The following NIM1K variants were observed in gnomAD, a reference collection of about 807,000 sequenced individuals.
The protein encoded by NIM1K is NIM1 serine/threonine protein kinase, also known as serine/threonine-protein kinase NIM1.
A neutral mutation model predicts 37.1 loss-of-function variants in NIM1K; 35 were observed. The observed-to-expected ratio is 0.94, with a 90% CI of 0.72 to 1.25. The LOEUF (loss-of-function observed/expected upper bound fraction) is 1.25. Ranked by LOEUF, NIM1K falls within the 50% of genes most tolerant of loss-of-function variation. The probability of loss-of-function intolerance (pLI) is 0.00; values close to 1 mark genes in which losing one functional copy is unlikely to be tolerated. For synonymous variants in NIM1K, 234 were observed against 206.6 expected, an observed-to-expected ratio of 1.13 and a Z score of -1.14; for missense variants, 564 against 548.0, an observed-to-expected ratio of 1.03 and a Z score of -0.29.
intron 1 of NIM1K, chr5:43,206,946 A>T (rs1340977658): frequency 1.3e-6 from 1 of 763,864 alleles, no homozygotes; most frequent in African/African-American, 1.7e-5. Context: ...GGTGATGCAC[A>T]AGGCAAAGAA....
At chr5:43,212,122 A>T (rs1752212653) in intron 1 of NIM1K, among the ~76,000 whole-genome samples, 1 of 152,166 alleles carries the variant, frequency 6.6e-6, no homozygotes, top group Non-Finnish European at 1.5e-5. Context: ...GGTGCCTTAA[A>T]GCATGTGCAT....
chr5:43,263,550 C>CAA (rs565104799), intron 2 of NIM1K, among the ~76,000 whole-genome samples: 3 of 144,722 alleles, frequency 2.1e-5, no homozygotes, highest in African/African-American at 7.5e-5. Flanking sequence ...TTGATCTTTT[C>CAA]AAAAAAAAAA....
At chr5:43,239,746 C>A (rs1056149967) in intron 1 of NIM1K, among the ~76,000 whole-genome samples, 1 of 152,078 alleles carries the variant, frequency 6.6e-6, no homozygotes, top group Non-Finnish European at 1.5e-5. Context: ...AGGCTGGTCT[C>A]AAACTCCTGA....
intron 1 of NIM1K, chr5:43,232,757 G>C: frequency 8.5e-7 from 1 of 1,172,850 alleles, no homozygotes; most frequent in African/African-American, 1.5e-5. Flanking sequence ...CCAAAGCTGT[G>C]GAAAAACAAG....
At chr5:43,251,811 G>T (rs878944270) in intron 2 of NIM1K, among the ~76,000 whole-genome samples, 1 of 152,092 alleles carries the variant, frequency 6.6e-6, no homozygotes, top group South Asian at 2.1e-4. Context: ...GTTATTGACC[G>T]CCTCCATCCC....
chr5:43,276,380 C>G lies in NIM1K; in HGVS notation c.293-677C>G, dbSNP rs546964540. On this transcript the variant is annotated intron_variant, in intron 2 of 3. Transcript: ENST00000326035. ...GGGAACATGCCACAAGATCCCATCA[C>G]TTTTAAAGAACCAGATCTCATGTGA... is the stretch of plus-strand genomic sequence containing the variant. Among the ~76,000 whole-genome samples, 7 of 152,350 alleles carry G rather than the reference C, an allele frequency of 4.6e-5. No homozygotes were observed. In the South Asian group the frequency reaches 1.5e-3, roughly 32 times the overall value.
chr5:43,270,005 G>T (rs1417270461), intron 2 of NIM1K, among the ~76,000 whole-genome samples: 1 of 152,208 alleles, frequency 6.6e-6, no homozygotes, highest in Non-Finnish European at 1.5e-5. Flanking sequence ...TTGGTTTCAA[G>T]ATTTAGAAGT....
intron 2 of NIM1K, among the ~76,000 whole-genome samples, chr5:43,257,899 C>CCAAAAG (rs1473312518): frequency 6.6e-6 from 1 of 151,634 alleles, no homozygotes; most frequent in African/African-American, 2.4e-5. Context: ...GTCTTTAAAA[C>CCAAAAG]CAAAACCAAA....
Position 43,230,259 on chromosome 5 carries a change from C to T in NIM1K, c.-694-14823C>T, listed in dbSNP as rs542064841. On this transcript the variant is annotated intron_variant, in intron 1 of 3. Coordinates refer to ENST00000326035, the MANE Select transcript of NIM1K (RefSeq NM_153361.4). ...GTAGTGATGGGTTTAGGCTCCTTCT[C>T]GGTGGCTCTGCAATTCTCAGCACAT... is the stretch of plus-strand genomic sequence containing the variant. 2.6e-5 allele frequency among the ~76,000 whole-genome samples: 4 copies of T among 152,116 alleles called. No homozygotes were observed. In the South Asian group the frequency reaches 6.2e-4, roughly 24 times the overall value.
chr5:43,206,680 C>T, intron 1 of NIM1K: 1 of 691,776 alleles, frequency 1.4e-6, no homozygotes, highest in South Asian at 1.5e-5. Flanking sequence ...AAGGCCACTC[C>T]CCCAGGTATG....
At chr5:43,239,779 G>A (rs1472331254) in intron 1 of NIM1K, among the ~76,000 whole-genome samples, 1 of 151,982 alleles carries the variant, frequency 6.6e-6, no homozygotes, top group East Asian at 1.9e-4. Flanking sequence ...CAGCATGCCT[G>A]GCCTCCACTC....
At chr5:43,269,498 G>A (rs77002540) in intron 2 of NIM1K, among the ~76,000 whole-genome samples, 2,170 of 152,154 alleles carry the variant, frequency 0.014, 62 homozygotes, top group African/African-American at 0.05. Flanking sequence ...TATGTTTTCA[G>A]TGGAGCATTT....
chr5:43,206,875 GC>G (rs1752121129), intron 1 of NIM1K: 2 of 770,522 alleles, frequency 2.6e-6, no homozygotes, highest in South Asian at 2.7e-5. Flanking sequence ...AAGAACGGCA[GC>G]TTTGCCAATT....
intron 2 of NIM1K, among the ~76,000 whole-genome samples, chr5:43,263,183 T>C (rs1753063093): frequency 6.6e-6 from 1 of 152,210 alleles, no homozygotes; most frequent in Admixed American, 6.5e-5. Flanking sequence ...TCAGAAGGAA[T>C]GGTACCAGCT....
At chr5:43,206,836 A>T in intron 1 of NIM1K, 1 of 767,554 alleles carries the variant, frequency 1.3e-6, no homozygotes, top group Non-Finnish European at 2.4e-6. Flanking sequence ...ACCTGGAAGG[A>T]CCATGGCTAT....
chr5:43,238,209 A>T (rs1475429058), intron 1 of NIM1K, among the ~76,000 whole-genome samples: 2 of 151,576 alleles, frequency 1.3e-5, no homozygotes, highest in African/African-American at 2.4e-5. Flanking sequence ...CGCCCGGCTA[A>T]TTTTTTGTAT....
chr5:43,212,789 C>CT (rs1408778553), intron 1 of NIM1K, among the ~76,000 whole-genome samples: 1 of 152,214 alleles, frequency 6.6e-6, no homozygotes, highest in Admixed American at 6.5e-5. Context: ...ACCAAAGACT[C>CT]TGTTAGGAAG....
chr5:43,207,009 G>A (rs1188086601), intron 1 of NIM1K: 11 of 748,968 alleles, frequency 1.5e-5, no homozygotes, highest in Middle Eastern at 3.8e-4. Context: ...AGTACTGGGC[G>A]GGTAAAACAA....
chr5:43,264,893 G>A (rs893157347), intron 2 of NIM1K, among the ~76,000 whole-genome samples: 3 of 152,152 alleles, frequency 2.0e-5, no homozygotes, highest in African/African-American at 7.2e-5. Context: ...AGTTTGACTG[G>A]CTATGGAATT....
Sources: allele counts gnomAD v4.1 joint callset (sites outside exome capture counted in the v4.1 genomes callset), GRCh38; gene constraint gnomAD v4.1.1; transcripts MANE v1.5; gene names NCBI Gene and HGNC (gene_info 2026-07-23, HGNC 2026-07-21).